Variants in MAST4 observed in about 807,000 individuals in gnomAD.
The protein encoded by MAST4 is microtubule-associated serine/threonine-protein kinase 4.
In MAST4, 89 loss-of-function variants were observed where a neutral mutation model predicts 162.7. That is an observed-to-expected ratio of 0.55 (90% confidence interval 0.46 to 0.65). The LOEUF is 0.65. Among genes scored for constraint, MAST4 ranks in the 30% least tolerant of loss-of-function variants. MAST4 has a pLI of 0.00. For synonymous variants in MAST4, 1,479 were observed against 1,361.1 expected (o/e 1.09, Z -1.91); for missense variants, 3,153 against 3,374.0 (o/e 0.93, Z 1.62).
intron 7 of MAST4, among the ~76,000 whole-genome samples, chr5:67,098,367 T>G (rs777619169): frequency 7.2e-5 from 11 of 152,160 alleles, no homozygotes; most frequent in Non-Finnish European, 1.3e-4. Context: ...AAAATTAATT[T>G]TTGGACCTTT....
At chr5:66,991,147 G>C (rs1750027154) in intron 4 of MAST4, among the ~76,000 whole-genome samples, 3 of 152,140 alleles carry the variant, frequency 2.0e-5, no homozygotes, top group Non-Finnish European at 4.4e-5. Context: ...AAACTGGCTG[G>C]CTGGTTTGCA....
At chr5:66,946,291 CTATTTT>C (rs1381904469) in intron 4 of MAST4, among the ~76,000 whole-genome samples, 2 of 152,102 alleles carry the variant, frequency 1.3e-5, no homozygotes, top group African/African-American at 4.8e-5. Flanking sequence ...GCTTTGGTCT[CTATTTT>C]TATATCTCAG....
Position 67,163,899 on chromosome 5 carries a change from A to C in MAST4, c.4720A>C (p.Lys1574Gln). ...TCTGTTTAAGCTGGAAGAGAGAGAG[A>C]AGAAAGTCTATCCGAAGGCTGTGGA... ...FALFKLEERE[K>Q]KVYPKAVERS... The change falls in exon 29 of 29, where the codon AAG (lysine) becomes CAG (glutamine). Residue 1574 changes from lysine (K) to glutamine (Q), a missense_variant. Physicochemically the swap from Lys to Gln is moderately conservative, Grantham distance 53. Around this residue, in one of 7 missense-constraint regions of MAST4, gnomAD observed 1,644 missense variants for 1,495.0 expected, o/e 1.10. Coordinates refer to ENST00000403625, the MANE Select transcript of MAST4 (RefSeq NM_001164664.2). This position sits in a 1 kb window ranked among gnomAD's most constrained non-coding sequence, Gnocchi z 7.0. 6.2e-7 allele frequency: 1 copy of C among 1,613,998 alleles called. No homozygotes were observed. Among genetic ancestry groups the C allele is most frequent in the Non-Finnish European group, 8.5e-7 (1 of 1,179,894 alleles).
intron 4 of MAST4, among the ~76,000 whole-genome samples, chr5:67,052,089 T>C (rs1022521317): frequency 2.6e-5 from 4 of 152,216 alleles, no homozygotes; most frequent in Admixed American, 2.0e-4. Flanking sequence ...TGTAACATAC[T>C]ACCCATACCT....
chr5:66,871,637 G>T (rs764422646), intron 3 of MAST4, among the ~76,000 whole-genome samples: 10 of 152,208 alleles, frequency 6.6e-5, no homozygotes, highest in Admixed American at 2.6e-4. Context: ...CATTCATGAA[G>T]CCTGTCCTGT....
At chr5:66,643,169 A>T (rs1156925720) in intron 1 of MAST4, among the ~76,000 whole-genome samples, 3 of 152,208 alleles carry the variant, frequency 2.0e-5, no homozygotes, top group Non-Finnish European at 2.9e-5. Context: ...CTTGCAGGAT[A>T]AACTTAGAAA....
intron 3 of MAST4, among the ~76,000 whole-genome samples, chr5:66,791,020 T>C (rs533684043): frequency 9.9e-5 from 15 of 152,170 alleles, no homozygotes; most frequent in African/African-American, 3.4e-4. Context: ...AAGTAATATA[T>C]CTTCTTTTTG....
intron 5 of MAST4, among the ~76,000 whole-genome samples, chr5:67,061,216 T>G (rs1439980116): frequency 1.3e-5 from 2 of 152,206 alleles, no homozygotes; most frequent in African/African-American, 2.4e-5. Flanking sequence ...TTGAAACTTT[T>G]GTTCCCCCCT....
intron 4 of MAST4, among the ~76,000 whole-genome samples, chr5:66,951,955 T>C (rs1017312628): frequency 3.3e-5 from 5 of 152,134 alleles, no homozygotes; most frequent in African/African-American, 1.2e-4. Flanking sequence ...TTGGTGATTT[T>C]CCTCACCCTC....
At chr5:66,811,711 A>G (rs571133379) in intron 3 of MAST4, among the ~76,000 whole-genome samples, 1 of 152,152 alleles carries the variant, frequency 6.6e-6, no homozygotes, top group Non-Finnish European at 1.5e-5. Context: ...GTCCTAGTGC[A>G]CTCACATGTA....
chr5:66,852,110 A>G (rs1238995481), intron 3 of MAST4, among the ~76,000 whole-genome samples: 1 of 152,166 alleles, frequency 6.6e-6, no homozygotes, highest in African/African-American at 2.4e-5. Flanking sequence ...ATATATATAG[A>G]TATATAAGCT....
Position 66,788,765 on chromosome 5 carries a change from C to T in MAST4, c.613C>T (p.Gln205Ter). ...GCGCATGCGCAGCCAGGCCCTGGGC[C>T]AGTCGGCGCCCTCGCTCACCGCCAG... is the stretch of plus-strand genomic sequence containing the variant. ...LVRMRSQALGQSAPSLTASLK... is the reference protein window; with the variant it reads ...LVRMRSQALG The change falls in exon 3 of 29, where the codon CAG becomes TAG. Residue 205 changes from glutamine (Q) to a stop codon, truncating the protein, a stop_gained. Transcript: ENST00000403625. LOFTEE classifies it high-confidence loss of function. 2 of 1,602,984 alleles carry T rather than the reference C, an allele frequency of 1.2e-6. No individual in the cohort carries two copies. Among genetic ancestry groups the T allele is most frequent in the Non-Finnish European group, 1.7e-6 (2 of 1,174,196 alleles).
chr5:67,026,314 G>C (rs1249799084), intron 4 of MAST4, among the ~76,000 whole-genome samples: 1 of 152,248 alleles, frequency 6.6e-6, no homozygotes, highest in South Asian at 2.1e-4. Flanking sequence ...TTTACATGCC[G>C]TGCCACTTGC....
chr5:66,775,206 A>G (rs1032505077), intron 2 of MAST4, among the ~76,000 whole-genome samples: 1 of 152,150 alleles, frequency 6.6e-6, no homozygotes, highest in Non-Finnish European at 1.5e-5. Flanking sequence ...GATTTAATGC[A>G]TTTAATGAAA....
chr5:67,093,984 A>G (rs1322834510), intron 6 of MAST4, among the ~76,000 whole-genome samples: 1 of 152,232 alleles, frequency 6.6e-6, no homozygotes, highest in East Asian at 1.9e-4. Flanking sequence ...CTTTGTAAGC[A>G]TGTTATTACA....
At chr5:66,908,342 A>G (rs888842378) in intron 4 of MAST4, among the ~76,000 whole-genome samples, 4 of 152,044 alleles carry the variant, frequency 2.6e-5, no homozygotes, top group African/African-American at 9.7e-5. Flanking sequence ...CCCAGGGGAG[A>G]GGGTTAGGTT....
At chr5:66,875,439 A>G (rs1451072607) in intron 3 of MAST4, among the ~76,000 whole-genome samples, 3 of 152,214 alleles carry the variant, frequency 2.0e-5, no homozygotes, top group Admixed American at 2.0e-4. Context: ...AAACTTATTA[A>G]CTATGACTTT....
chr5:66,714,407 A>G (rs1750688327), intron 1 of MAST4, among the ~76,000 whole-genome samples: 1 of 152,184 alleles, frequency 6.6e-6, no homozygotes, highest in Non-Finnish European at 1.5e-5. Context: ...TGACTTTAAA[A>G]ATCTAGGAAC....
intron 3 of MAST4, among the ~76,000 whole-genome samples, chr5:66,891,143 C>T (rs1392060445): frequency 6.6e-6 from 1 of 152,154 alleles, no homozygotes; most frequent in African/African-American, 2.4e-5. Context: ...ATCTTTTCAT[C>T]CACTTTCAGA....
Sources: gnomAD v4.1 joint callset for allele counts (sites outside exome capture counted in the v4.1 genomes callset) on GRCh38, gnomAD v4.1.1 for gene constraint, gnomAD v4.1.1 regional missense constraint, Gnocchi (gnomAD v3.1) non-coding constraint, MANE v1.5 for transcripts, NCBI Gene and HGNC (gene_info 2026-07-23, HGNC 2026-07-21) for gene names.